MGAM2: variants seen among roughly 807,000 people sequenced by gnomAD.
MGAM2 encodes the protein probable maltase-glucoamylase 2.
MGAM2 carries 98 observed loss-of-function variants against 96.1 expected under a neutral mutation model. That is an observed-to-expected ratio of 1.02 (90% CI 0.87 to 1.21). MGAM2 has a LOEUF of 1.21. Ranked by LOEUF, MGAM2 falls within the 50% of genes most tolerant of loss-of-function variation. The pLI is 0.00. For synonymous variants in MGAM2, 749 were observed against 414.8 expected, an observed-to-expected ratio of 1.81 and a Z score of -9.79; for missense variants, 2,055 against 1,182.4, an observed-to-expected ratio of 1.74 and a Z score of -10.82.
rs142573318 is a variant in MGAM2, at chr7:142,162,849, G to C, written c.2484+845G>C. 4.4e-4 allele frequency among the ~76,000 whole-genome samples: 66 copies of C among 151,576 alleles called. No individual in the cohort carries two copies. The South Asian group carries it at 7.1e-3, about 16-fold the overall frequency. On this transcript the variant is annotated intron_variant, in intron 23 of 47. Coordinates refer to ENST00000477922, the MANE Select transcript of MGAM2 (RefSeq NM_001293626.2). The stretch of plus-strand genomic sequence containing the variant: ...ATAAACCTATAGCACAATTTCACAA[G>C]CAGAATGCCGGCATTGATGCTATCG...
intron 36 of MGAM2, among the ~76,000 whole-genome samples, chr7:142,188,365 A>G (rs965486130): frequency 5.2e-4 from 79 of 152,236 alleles, no homozygotes; most frequent in African/African-American, 1.8e-3. Flanking sequence ...GTACTGTACC[A>G]CGGCTGAGGT....
Position 142,154,910 on chromosome 7 carries a change from G to A in MGAM2, c.1923+65G>A, listed in dbSNP as rs911333874. 24 of 694,532 alleles carry A rather than the reference G, an allele frequency of 3.5e-5. 1 individual carries two copies. The East Asian group carries it at 6.2e-4, about 18-fold the overall frequency. 43.0% of individuals were successfully genotyped at this position (694,532 alleles called of 1,614,324 possible). On this transcript the variant is annotated intron_variant, in intron 17 of 47. Transcript: ENST00000477922. Reference sequence around the variant, plus strand: ...AGCTAATCTACTGGCTCTTAAAGGGGATTTGAGGAAAATAGTACTACAGGT... The same window carrying A: ...AGCTAATCTACTGGCTCTTAAAGGGAATTTGAGGAAAATAGTACTACAGGT...
At chr7:142,128,822 T>C (rs1351787882) in intron 3 of MGAM2, among the ~76,000 whole-genome samples, 1 of 152,226 alleles carries the variant, frequency 6.6e-6, no homozygotes, top group Non-Finnish European at 1.5e-5. Context: ...GGAGATCCTC[T>C]GCTAGGGCAG....
chr7:142,196,540 A>C (rs1427755618), intron 38 of MGAM2, 25 bp from the exon 39 acceptor site: 1 of 713,672 alleles, frequency 1.4e-6, no homozygotes, highest in East Asian at 2.6e-5. Flanking sequence ...CCTTCCTCCA[A>C]CACAGCTGTG....
intron 46 of MGAM2, among the ~76,000 whole-genome samples, chr7:142,214,512 TA>T (rs1323080603): frequency 4.0e-5 from 6 of 151,884 alleles, no homozygotes; most frequent in African/African-American, 1.5e-4. Flanking sequence ...GATACACCAA[TA>T]ATAGACAGCC....
Position 142,124,026 on chromosome 7 carries a change from G to A in MGAM2, c.186+3645G>A, listed in dbSNP as rs144477012. On this transcript the variant is annotated intron_variant, in intron 3 of 47. Transcript: ENST00000477922. ...CTTGCTCTGTCTCCCAGGCTGGAGC[G>A]CAGAGGCGCAATCTTGGCTCACTGC... Among the ~76,000 whole-genome samples, 234 of 140,180 alleles carry A rather than the reference G, an allele frequency of 1.7e-3. 4 individuals carry two copies. The South Asian group carries it at 0.034, about 20-fold the overall frequency. The allele number at this position is 140,180 out of a possible 152,430, so 92.0% of individuals were successfully genotyped here.
Position 142,220,659 on chromosome 7 carries a change from A to G in MGAM2, c.6148A>G (p.Thr2050Ala), listed in dbSNP as rs145944436. The change falls in exon 48 of 48, where the codon ACT becomes GCT. Residue 2050 changes from threonine (T) to alanine (A), a missense_variant. Coordinates refer to ENST00000477922, the MANE Select transcript of MGAM2 (RefSeq NM_001293626.2). Reference protein sequence around the residue: ...DTTAPFPTSTTSTSTSATVPI... With the variant: ...DTTAPFPTSTASTSTSATVPI... ...AACTGCTCCTTTCCCTACAAGTACT[A>G]CTAGTACTAGCACTAGTGCTACTGT... is the stretch of plus-strand genomic sequence containing the variant. The G allele has an allele frequency of 6.9e-4, 483 of 702,364 alleles. 5 individuals carry two copies. The highest frequency in any genetic ancestry group is 6.8e-3 in the African/African-American group (391 of 57,246). The allele number at this position is 702,364 out of a possible 1,614,324, so 43.5% of individuals were successfully genotyped here.
chr7:142,140,925 A>G lies in MGAM2; in HGVS notation c.1210A>G (p.Ile404Val), dbSNP rs1195036024. 1.4e-6 allele frequency: 1 copy of G among 702,748 alleles called. No individual in the cohort carries two copies. Among genetic ancestry groups the G allele is most frequent in the Non-Finnish European group, 2.6e-6 (1 of 384,918 alleles). 43.5% of individuals were successfully genotyped at this position (702,748 alleles called of 1,614,324 possible). Residue 404 changes from isoleucine (I) to valine (V), a missense_variant, in exon 11 of 48, where the codon ATT becomes GTT. Physicochemically the swap from Ile to Val is conservative, Grantham distance 29. Transcript: ENST00000477922. ...ACATGACAATGGACAGAAATATCTTATTATTATGGTATGTTCAAACACTTG... is the reference window on the plus strand; with the variant it reads ...ACATGACAATGGACAGAAATATCTTGTTATTATGGTATGTTCAAACACTTG... Reference protein sequence around the residue: ...ELHDNGQKYLIIMNPGISKNS... With the variant: ...ELHDNGQKYLVIMNPGISKNS...
chr7:142,134,174 G>A, intron 7 of MGAM2, 22 bp downstream of exon 7: 1 of 721,952 alleles, frequency 1.4e-6, no homozygotes, highest in Non-Finnish European at 2.5e-6. Context: ...TTCCTCCTGA[G>A]TATCGCCCAC....
chr7:142,190,202 G>A (rs921750149), intron 37 of MGAM2, among the ~76,000 whole-genome samples: 1 of 151,150 alleles, frequency 6.6e-6, no homozygotes, highest in Non-Finnish European at 1.5e-5. Flanking sequence ...GTGTCATATA[G>A]GAACTGTATT....
In MGAM2 at chr7:142,167,479, A is replaced by C. The variant is rs1796063603; in HGVS notation, c.3020A>C (p.Gln1007Pro). 1.4e-6 allele frequency: 1 copy of C among 702,908 alleles called. No individual in the cohort carries two copies. Among genetic ancestry groups the C allele is most frequent in the Non-Finnish European group, 2.6e-6 (1 of 384,998 alleles). 43.5% of individuals were successfully genotyped at this position (702,908 alleles called of 1,614,324 possible). A position where few individuals can be genotyped will look rare whatever the true frequency, so the allele number is the denominator to read the frequency against. The change falls in exon 26 of 48, where the codon CAG becomes CCG. Residue 1007 changes from glutamine (Q) to proline (P), a missense_variant. By Grantham distance (76) the Gln-to-Pro change is moderately conservative. Transcript: ENST00000477922. Reference protein sequence around the residue: ...KVIYHTATMLQVKIYDPTNKR... With the variant: ...KVIYHTATMLPVKIYDPTNKR... ...ATCTATCACACAGCAACCATGCTGCAGGTCAAGGTAAGGCCCATGTTGCAG... is the reference window on the plus strand; with the variant it reads ...ATCTATCACACAGCAACCATGCTGCCGGTCAAGGTAAGGCCCATGTTGCAG...
intron 18 of MGAM2, 42 bp downstream of exon 18, chr7:142,158,133 T>C: frequency 1.4e-6 from 1 of 700,188 alleles, no homozygotes; most frequent in Non-Finnish European, 2.6e-6. Flanking sequence ...CTGATTGTAG[T>C]TTCACTTGAC....
At chr7:142,161,082 A>C (rs1795874772) in intron 21 of MGAM2, 43 bp from the exon 22 acceptor site, 1 of 699,866 alleles carries the variant, frequency 1.4e-6, no homozygotes, top group Non-Finnish European at 2.6e-6. Context: ...ACATAGTTCC[A>C]TCTCATCTAC....
chr7:142,188,908 A>T (rs184190155), intron 36 of MGAM2, among the ~76,000 whole-genome samples: 68 of 152,328 alleles, frequency 4.5e-4, no homozygotes, highest in African/African-American at 1.6e-3. Flanking sequence ...TCAACTTGTG[A>T]TGGGTTCATG....
intron 46 of MGAM2, 49 bp from the exon 47 acceptor site, chr7:142,218,312 C>A: frequency 3.5e-6 from 2 of 570,328 alleles, no homozygotes; most frequent in Non-Finnish European, 6.3e-6. Context: ...GGACCATAGT[C>A]TATCAACAAT....
chr7:142,157,328 C>T (rs1432170886), intron 17 of MGAM2, among the ~76,000 whole-genome samples: 1 of 151,776 alleles, frequency 6.6e-6, no homozygotes, highest in Admixed American at 6.6e-5. Flanking sequence ...ATCTCCATGG[C>T]AACCCCTGTG....
intron 15 of MGAM2, among the ~76,000 whole-genome samples, chr7:142,153,691 C>T (rs1414742230): frequency 6.6e-6 from 1 of 152,192 alleles, no homozygotes; most frequent in Non-Finnish European, 1.5e-5. Flanking sequence ...GAACTCAAAT[C>T]ATGGTTCCAA....
At chr7:142,135,755 T>C (rs1254330411) in intron 7 of MGAM2, among the ~76,000 whole-genome samples, 2 of 90,002 alleles carry the variant, frequency 2.2e-5, no homozygotes, top group Admixed American at 1.1e-4. Context: ...CACACACACA[T>C]TATCTCTTCT....
At chr7:142,146,345 A>G (rs1282806195) in intron 14 of MGAM2, among the ~76,000 whole-genome samples, 1 of 152,096 alleles carries the variant, frequency 6.6e-6, no homozygotes. Flanking sequence ...AGCATGAGAA[A>G]GAGCACTGAA....
Sources: gnomAD v4.1 joint callset for allele counts (sites outside exome capture counted in the v4.1 genomes callset) on GRCh38, gnomAD v4.1.1 for gene constraint, MANE v1.5 for transcripts, NCBI Gene and HGNC (gene_info 2026-07-23, HGNC 2026-07-21) for gene names.